Variants in GPC5 observed in about 807,000 individuals in gnomAD.
GPC5 encodes glypican 5.
A neutral mutation model predicts 53.9 loss-of-function variants in GPC5; 47 were observed. The observed-to-expected ratio is 0.87, with a 90% confidence interval of 0.69 to 1.11. GPC5 has a LOEUF of 1.11. GPC5 is among the 50% of genes most tolerant of loss of function. GPC5 has a pLI of 0.00. For missense variants in GPC5, 748 were observed against 713.1 expected, an observed-to-expected ratio of 1.05 and a Z score of -0.56; for synonymous variants, 286 against 263.3, an observed-to-expected ratio of 1.09 and a Z score of -0.84.
chr13:92,489,214 C>T (rs1011924129), intron 7 of GPC5, among the ~76,000 whole-genome samples: 24 of 152,068 alleles, frequency 1.6e-4, no homozygotes, highest in Admixed American at 3.3e-4. Flanking sequence ...TAAGAAAAAT[C>T]CTTCATTTTC....
intron 7 of GPC5, among the ~76,000 whole-genome samples, chr13:92,572,858 A>G: frequency 6.6e-6 from 1 of 152,218 alleles, no homozygotes; most frequent in East Asian, 1.9e-4. Context: ...CTATTCCTGT[A>G]GCTCTTCCCA....
At chr13:92,738,132 G>C (rs773868608) in intron 7 of GPC5, among the ~76,000 whole-genome samples, 7 of 151,756 alleles carry the variant, frequency 4.6e-5, no homozygotes, top group Non-Finnish European at 8.8e-5. Context: ...AAAATGTATT[G>C]GTTCGAGGAA....
In GPC5 at chr13:91,445,067, C is replaced by A. The variant is rs1157118514; in HGVS notation, c.164-3694C>A. Reference sequence around the variant, plus strand: ...GTTTGAGTTGCGATGGCAAAACTAGCACAAATTATTTTTCCCTTCTTCACG... The same window carrying A: ...GTTTGAGTTGCGATGGCAAAACTAGAACAAATTATTTTTCCCTTCTTCACG... On this transcript the variant is annotated intron_variant, in intron 1 of 7. Coordinates refer to ENST00000377067, the MANE Select transcript of GPC5 (RefSeq NM_004466.6). Among the ~76,000 whole-genome samples the A allele has an allele frequency of 2.6e-5, 4 of 152,274 alleles. No individual in the cohort carries two copies. In the East Asian group the frequency reaches 7.7e-4, roughly 29 times the overall value.
intron 2 of GPC5, among the ~76,000 whole-genome samples, chr13:91,664,554 C>G (rs2035062746): frequency 6.6e-6 from 1 of 152,198 alleles, no homozygotes; most frequent in Admixed American, 6.5e-5. Context: ...TTTTCAAATA[C>G]TAAATGATGG....
intron 1 of GPC5, among the ~76,000 whole-genome samples, chr13:91,428,665 T>A (rs1056644407): frequency 6.6e-6 from 1 of 152,200 alleles, no homozygotes; most frequent in Non-Finnish European, 1.5e-5. Context: ...GCTATCACTA[T>A]TTAATTATTT....
chr13:91,842,146 G>C (rs1387230200), intron 5 of GPC5, among the ~76,000 whole-genome samples: 1 of 151,798 alleles, frequency 6.6e-6, no homozygotes, highest in Non-Finnish European at 1.5e-5. Context: ...TTCTTTTCTA[G>C]TTCATAAATA....
At chr13:91,552,007 G>A (rs1052019595) in intron 2 of GPC5, among the ~76,000 whole-genome samples, 1 of 152,072 alleles carries the variant, frequency 6.6e-6, no homozygotes, top group South Asian at 2.1e-4. Flanking sequence ...AATATTAACA[G>A]AAAGTAATAT....
At chr13:91,438,818 C>G (rs1199666598) in intron 1 of GPC5, among the ~76,000 whole-genome samples, 1 of 152,248 alleles carries the variant, frequency 6.6e-6, no homozygotes, top group Non-Finnish European at 1.5e-5. Context: ...CCAGTTCGAG[C>G]TTCCCAGGCC....
At chr13:91,733,223 G>A (rs186055112) in intron 4 of GPC5, among the ~76,000 whole-genome samples, 2 of 151,980 alleles carry the variant, frequency 1.3e-5, no homozygotes, top group Non-Finnish European at 2.9e-5. Context: ...TGCAACCTCC[G>A]CCTCCCAGGT....
intron 2 of GPC5, among the ~76,000 whole-genome samples, chr13:91,490,535 C>G (rs980092920): frequency 2.6e-5 from 4 of 152,028 alleles, no homozygotes; most frequent in Non-Finnish European, 5.9e-5. Flanking sequence ...AATTATTTAG[C>G]TTGGGTGAGT....
At chr13:91,455,067 A>G (rs986587670) in intron 2 of GPC5, among the ~76,000 whole-genome samples, 1 of 152,086 alleles carries the variant, frequency 6.6e-6, no homozygotes, top group Non-Finnish European at 1.5e-5. Context: ...ATTTAATTTG[A>G]TTTATAAAAT....
intron 7 of GPC5, among the ~76,000 whole-genome samples, chr13:92,380,505 T>C (rs143378908): frequency 8.5e-5 from 13 of 152,112 alleles, no homozygotes; most frequent in Admixed American, 5.9e-4. Context: ...TGTGGCACTA[T>C]TCACAATAGC....
intron 7 of GPC5, among the ~76,000 whole-genome samples, chr13:92,208,073 T>C (rs1037665082): frequency 1.3e-5 from 2 of 152,196 alleles, no homozygotes; most frequent in African/African-American, 4.8e-5. Context: ...GCAGGAGGAA[T>C]AGGTCTGAAT....
At chr13:92,140,609 C>T (rs1318804063) in intron 6 of GPC5, among the ~76,000 whole-genome samples, 1 of 152,182 alleles carries the variant, frequency 6.6e-6, no homozygotes, top group African/African-American at 2.4e-5. Flanking sequence ...TGATAACTCT[C>T]CTCTAGACAC....
At chr13:91,848,897 T>C (rs2038881383) in intron 5 of GPC5, among the ~76,000 whole-genome samples, 2 of 152,344 alleles carry the variant, frequency 1.3e-5, no homozygotes, top group Admixed American at 1.3e-4. Context: ...CCTGAAAGTA[T>C]ATTTTATGCA....
intron 2 of GPC5, among the ~76,000 whole-genome samples, chr13:91,580,658 A>G (rs1466088207): frequency 6.6e-6 from 1 of 152,210 alleles, no homozygotes; most frequent in Non-Finnish European, 1.5e-5. Context: ...TGAGAATGTT[A>G]TTATGACATG....
At chr13:92,484,630 A>T (rs1879485708) in intron 7 of GPC5, 2 of 152,236 alleles carry the variant, frequency 1.3e-5, no homozygotes. Context: ...TATGCAGCAC[A>T]TATATAATAA....
chr13:92,770,869 G>T (rs1291332027), intron 7 of GPC5, among the ~76,000 whole-genome samples: 3 of 152,152 alleles, frequency 2.0e-5, no homozygotes, highest in Non-Finnish European at 4.4e-5. Flanking sequence ...TGCCTGCGAG[G>T]TGTGGATAAA....
At chr13:92,628,378 C>T (rs1885126307) in intron 7 of GPC5, among the ~76,000 whole-genome samples, 1 of 148,970 alleles carries the variant, frequency 6.7e-6, no homozygotes, top group Non-Finnish European at 1.5e-5. Context: ...CGGGCTCATG[C>T]CACTCTCCTG....
Sources: gnomAD v4.1 joint callset for allele counts (sites outside exome capture counted in the v4.1 genomes callset) on GRCh38, gnomAD v4.1.1 for gene constraint, MANE v1.5 for transcripts, NCBI Gene and HGNC (gene_info 2026-07-23, HGNC 2026-07-21) for gene names.